LEPROTL1: variants seen among roughly 807,000 people sequenced by gnomAD.
LEPROTL1 encodes the protein leptin receptor overlapping transcript-like 1.
In LEPROTL1, 6 loss-of-function variants were observed where a neutral mutation model predicts 15.4. That is an observed-to-expected ratio of 0.39 (90% CI 0.21 to 0.77). LEPROTL1 has a LOEUF of 0.77. Among genes scored for constraint, LEPROTL1 ranks in the 30% least tolerant of loss-of-function variants. The pLI is 0.41. For missense variants in LEPROTL1, 128 were observed against 158.1 expected (o/e 0.81, Z 1.02); for synonymous variants, 56 against 52.6 (o/e 1.06, Z -0.28).
chr8:30,111,791 T>C (rs1802655825), downstream of LEPROTL1, among the ~76,000 whole-genome samples: 1 of 152,152 alleles, frequency 6.6e-6, no homozygotes, highest in Non-Finnish European at 1.5e-5. Flanking sequence ...TGGTGGGTCT[T>C]GTGCCAGCCA....
intron 3 of LEPROTL1, among the ~76,000 whole-genome samples, chr8:30,125,809 C>T (rs1008533520): frequency 2.6e-5 from 4 of 152,124 alleles, no homozygotes; most frequent in African/African-American, 9.7e-5. Context: ...GATGGCTTTG[C>T]TAACATCCGA....
chr8:30,131,466 A>G (rs575243106), intron 3 of LEPROTL1, among the ~76,000 whole-genome samples: 38 of 152,058 alleles, frequency 2.5e-4, no homozygotes, highest in African/African-American at 8.4e-4. Flanking sequence ...AAATTTCCAA[A>G]TTTAGAAAAA....
intron 3 of LEPROTL1, among the ~76,000 whole-genome samples, chr8:30,131,354 T>C (rs1173219978): frequency 6.6e-6 from 1 of 150,858 alleles, no homozygotes; most frequent in Non-Finnish European, 1.5e-5. Flanking sequence ...AAAGTCTTGC[T>C]ATGTTGCCCA....
At chr8:30,102,042 TG>T (rs1205009432) in intron 2 of LEPROTL1, 69 bp downstream of exon 2, 29 of 994,088 alleles carry the variant, frequency 2.9e-5, no homozygotes, top group Non-Finnish European at 4.3e-5. Flanking sequence ...CTTAAAAAAA[TG>T]TTTTTTTACT....
intron 3 of LEPROTL1, among the ~76,000 whole-genome samples, chr8:30,119,215 C>T (rs941811602): frequency 2.0e-5 from 3 of 152,202 alleles, no homozygotes; most frequent in Admixed American, 1.3e-4. Context: ...TCCCTTAAAC[C>T]ATGATTCCAT....
chr8:30,095,678 C>T (rs1353063820), intron 1 of LEPROTL1, 150 bp downstream of exon 1: 1 of 748,702 alleles, frequency 1.3e-6, no homozygotes, highest in Admixed American at 3.0e-5. Context: ...CGGCCCTGCG[C>T]TTGGCCCGGA....
intron 3 of LEPROTL1, among the ~76,000 whole-genome samples, chr8:30,127,093 A>C (rs966233014): frequency 6.6e-6 from 1 of 152,062 alleles, no homozygotes; most frequent in Non-Finnish European, 1.5e-5. Flanking sequence ...CTGAGTTCTC[A>C]TGACACTTCC....
chr8:30,118,926 G>C (rs7007300), intron 3 of LEPROTL1, among the ~76,000 whole-genome samples: 131,606 of 152,134 alleles, frequency 0.87, 57,948 homozygotes, highest in South Asian at 0.98. Flanking sequence ...AACATGTCTC[G>C]CCTCCCTTCC....
Position 30,101,263 on chromosome 8 carries a change from A to G in LEPROTL1, c.17-635A>G, listed in dbSNP as rs140940631. 6.6e-5 allele frequency among the ~76,000 whole-genome samples: 10 copies of G among 152,294 alleles called. No individual in the cohort carries two copies. In the East Asian group the frequency reaches 1.9e-3, roughly 29 times the overall value. The stretch of plus-strand genomic sequence containing the variant: ...AACTGTAGTGATCTGTGAAGTAAAT[A>G]TAATTCTAATGCCCAGAAGAGCATT... On this transcript the variant is annotated intron_variant, in intron 1 of 3. Transcript: ENST00000321250.
Position 30,106,659 on chromosome 8 carries a change from A to G in LEPROTL1, c.*797A>G. On this transcript the variant is annotated 3_prime_UTR_variant, in exon 4 of 4. Transcript: ENST00000321250. Reference sequence around the variant, plus strand: ...GAGTTGCAATGTGGGAAGAAATGACATTGAAATTCCAGTTTTTGAATCCTG... The same window carrying G: ...GAGTTGCAATGTGGGAAGAAATGACGTTGAAATTCCAGTTTTTGAATCCTG... 1 of 983,036 alleles carries G rather than the reference A, an allele frequency of 1.0e-6. No homozygotes were observed. Among genetic ancestry groups the G allele is most frequent in the African/African-American group, 1.7e-5 (1 of 57,310 alleles). 60.9% of individuals were successfully genotyped at this position (983,036 alleles called of 1,614,324 possible).
At position 30,124,851 on chromosome 8, in the gene LEPROTL1, A is replaced by G. The variant is rs1802883400; in HGVS notation, c.280-7524A>G. ...CAGGTCATTACCATGAGTGTCATCCATTAGGAGTTAACATAATGTTCTTTC... is the reference window on the plus strand; with the variant it reads ...CAGGTCATTACCATGAGTGTCATCCGTTAGGAGTTAACATAATGTTCTTTC... On this transcript the variant is annotated intron_variant, in intron 3 of 4. Transcript: ENST00000442880. Among the ~76,000 whole-genome samples, 3 of 152,216 alleles carry G rather than the reference A, an allele frequency of 2.0e-5. No individual in the cohort carries two copies. The South Asian group carries it at 6.2e-4, about 31-fold the overall frequency.
At position 30,105,955 on chromosome 8, in the gene LEPROTL1, T is replaced by C; in HGVS notation, c.*93T>C. ...ATGGGGCAGTTAATGCTGAATGGTA[T>C]AGCAAGCCTCTTGGGGGTATTTTAG... On this transcript the variant is annotated 3_prime_UTR_variant, in exon 4 of 4. Transcript: ENST00000321250. 2 of 1,347,326 alleles carry C rather than the reference T, an allele frequency of 1.5e-6. No individual in the cohort carries two copies. Among genetic ancestry groups the C allele is most frequent in the Non-Finnish European group, 1.9e-6 (2 of 1,036,992 alleles). 83.5% of individuals were successfully genotyped at this position (1,347,326 alleles called of 1,614,324 possible).
intron 3 of LEPROTL1, among the ~76,000 whole-genome samples, chr8:30,130,079 T>A (rs998760364): frequency 4.6e-5 from 7 of 152,194 alleles, no homozygotes; most frequent in African/African-American, 1.7e-4. Flanking sequence ...CAATTCAACA[T>A]GAGACCCAAA....
At chr8:30,097,685 AT>A (rs550833289) in intron 1 of LEPROTL1, among the ~76,000 whole-genome samples, 3,339 of 113,440 alleles carry the variant, frequency 0.029, 192 homozygotes, top group East Asian at 0.082. Context: ...AAAAAAAAAA[AT>A]ATATATATAT....
downstream of LEPROTL1, chr8:30,137,772 C>T (rs954748416): frequency 4.7e-6 from 2 of 429,774 alleles, no homozygotes; most frequent in African/African-American, 4.0e-5. Context: ...AAAACAAACC[C>T]CCTTCTTGCC....
At chr8:30,131,878 G>A (rs145528680) in intron 3 of LEPROTL1, 26 of 1,470,042 alleles carry the variant, frequency 1.8e-5, no homozygotes, top group Admixed American at 5.1e-5. Context: ...ATGCATTATC[G>A]ATGCGTCATC....
intron 2 of LEPROTL1, among the ~76,000 whole-genome samples, chr8:30,103,166 A>G (rs1802501138): frequency 6.6e-6 from 1 of 152,226 alleles, no homozygotes; most frequent in African/African-American, 2.4e-5. Flanking sequence ...TGGTTAAATT[A>G]TAGTAAATCT....
chr8:30,098,866 C>G (rs2117474338), intron 1 of LEPROTL1, among the ~76,000 whole-genome samples: 1 of 152,296 alleles, frequency 6.6e-6, no homozygotes, highest in East Asian at 1.9e-4. Flanking sequence ...AGACAAAATA[C>G]AAACCAGTAG....
At chr8:30,099,829 G>A (rs1006667758) in intron 1 of LEPROTL1, among the ~76,000 whole-genome samples, 1 of 152,124 alleles carries the variant, frequency 6.6e-6, no homozygotes, top group East Asian at 1.9e-4. Flanking sequence ...CACAGGCCAC[G>A]TGAGTGAGCA....
Sources: gnomAD v4.1 joint callset for allele counts (sites outside exome capture counted in the v4.1 genomes callset) on GRCh38, gnomAD v4.1.1 for gene constraint, MANE v1.5 for transcripts, NCBI Gene and HGNC (gene_info 2026-07-23, HGNC 2026-07-21) for gene names.